CRACD: variants seen among roughly 807,000 people sequenced by gnomAD.
CRACD encodes capping protein-inhibiting regulator of actin dynamics.
In CRACD, 56 loss-of-function variants were observed where a neutral mutation model predicts 106.8. The observed-to-expected ratio is 0.52, with a 90% confidence interval of 0.42 to 0.66. The LOEUF is 0.66. CRACD is among the 30% of genes least tolerant of loss of function. CRACD has a pLI of 0.00. For synonymous variants in CRACD, 754 were observed against 670.8 expected, an observed-to-expected ratio of 1.12 and a Z score of -1.92; for missense variants, 1,730 against 1,623.2, an observed-to-expected ratio of 1.07 and a Z score of -1.13.
In CRACD at chr4:56,231,145, G is replaced by T. The variant is rs78587178; in HGVS notation, c.-188-41176G>T. 4.4e-3 allele frequency among the ~76,000 whole-genome samples: 677 copies of T among 152,216 alleles called. 4 individuals are homozygous for T. The highest frequency in any genetic ancestry group is 7.5e-3 in the Non-Finnish European group (513 of 67,998). On this transcript the variant is annotated intron_variant, in intron 2 of 10. Transcript: ENST00000682029. Reference sequence around the variant, plus strand: ...TTCTTCTGATTTATTTTCCTTCTAGGCTATGTTCTTGTACATCATGATATT... The same window carrying T: ...TTCTTCTGATTTATTTTCCTTCTAGTCTATGTTCTTGTACATCATGATATT...
intron 3 of CRACD, among the ~76,000 whole-genome samples, chr4:56,290,966 C>A (rs978229953): frequency 6.6e-6 from 1 of 152,152 alleles, no homozygotes; most frequent in Non-Finnish European, 1.5e-5. Context: ...TTTTACCATG[C>A]GTGCTTTGCA....
At chr4:56,138,060 A>T (rs1336398998) in intron 1 of CRACD, among the ~76,000 whole-genome samples, 1 of 138,892 alleles carries the variant, frequency 7.2e-6, no homozygotes, top group Non-Finnish European at 1.5e-5. Context: ...TGTAAAAGTG[A>T]CATTGACCAA....
intron 2 of CRACD, among the ~76,000 whole-genome samples, chr4:56,188,827 C>T (rs1022847300): frequency 6.6e-6 from 1 of 151,156 alleles, no homozygotes; most frequent in Non-Finnish European, 1.5e-5. Flanking sequence ...TGCTATTTTC[C>T]TTCATTTCTT....
intron 8 of CRACD, among the ~76,000 whole-genome samples, chr4:56,318,071 T>A (rs1424229166): frequency 6.6e-6 from 1 of 152,158 alleles, no homozygotes; most frequent in African/African-American, 2.4e-5. Flanking sequence ...TGGGGCAGTT[T>A]TTGCAGAGGA....
At chr4:56,095,410 G>T (rs1313307035) in intron 1 of CRACD, among the ~76,000 whole-genome samples, 1 of 152,158 alleles carries the variant, frequency 6.6e-6, no homozygotes, top group African/African-American at 2.4e-5. Context: ...GAGACAAAGT[G>T]GGGGAAAGGG....
intron 1 of CRACD, among the ~76,000 whole-genome samples, chr4:56,176,207 T>C (rs1560472568): frequency 6.6e-6 from 1 of 152,180 alleles, no homozygotes; most frequent in Admixed American, 6.5e-5. Context: ...TGAAATAAGG[T>C]AGTGTGATGA....
chr4:56,164,512 G>A (rs1483872573), intron 1 of CRACD, among the ~76,000 whole-genome samples: 1 of 152,160 alleles, frequency 6.6e-6, no homozygotes, highest in Non-Finnish European at 1.5e-5. Flanking sequence ...CAACAACATG[G>A]AAGAATCTCC....
Position 56,316,589 on chromosome 4 carries a change from GGAC to G in CRACD, c.3090_3092del (p.Asp1030del). ...CCGAGGAAAGGAAGGGACAGAAGAG[GGAC>G]GAGGAGGAAGAGGCGACAGAGAGGA... On this transcript the variant is annotated inframe_deletion, in exon 8 of 11. Transcript: ENST00000682029. 1 of 1,613,474 alleles carries G rather than the reference GGAC, an allele frequency of 6.2e-7. No homozygotes were observed. Among genetic ancestry groups the G allele is most frequent in the Non-Finnish European group, 8.5e-7 (1 of 1,179,770 alleles).
At chr4:56,254,643 A>G (rs1301665473) in intron 2 of CRACD, among the ~76,000 whole-genome samples, 3 of 152,142 alleles carry the variant, frequency 2.0e-5, no homozygotes, top group Non-Finnish European at 4.4e-5. Context: ...GGCACCATCT[A>G]GAACCCCTGC....
At chr4:56,215,220 T>C (rs1738617220) in intron 2 of CRACD, among the ~76,000 whole-genome samples, 1 of 152,122 alleles carries the variant, frequency 6.6e-6, no homozygotes, top group Non-Finnish European at 1.5e-5. Flanking sequence ...GGGGTCTCAC[T>C]ATGTTGCCCA....
Position 56,100,057 on chromosome 4 carries a change from A to G in CRACD, c.-336+50758A>G, listed in dbSNP as rs1304545370. Reference sequence around the variant, plus strand: ...GGAGTTTGAGACCAGCCTGGCTACCATGGTGAAACCCTGTCTCTACTGAAA... The same window carrying G: ...GGAGTTTGAGACCAGCCTGGCTACCGTGGTGAAACCCTGTCTCTACTGAAA... On this transcript the variant is annotated intron_variant, in intron 1 of 10. Coordinates refer to ENST00000682029, the MANE Select transcript of CRACD (RefSeq NM_001393381.1). Among the ~76,000 whole-genome samples the G allele has an allele frequency of 4.6e-5, 7 of 152,286 alleles. No homozygotes were observed. The East Asian group carries it at 1.2e-3, about 25-fold the overall frequency.
intron 3 of CRACD, among the ~76,000 whole-genome samples, chr4:56,275,154 A>G (rs1742606325): frequency 6.6e-6 from 1 of 152,216 alleles, no homozygotes. Flanking sequence ...GTGGGGGGAA[A>G]GGAGCAGAAA....
At chr4:56,286,424 G>A (rs559414620) in intron 3 of CRACD, among the ~76,000 whole-genome samples, 100 of 149,170 alleles carry the variant, frequency 6.7e-4, no homozygotes, top group African/African-American at 2.2e-3. Flanking sequence ...AACTCGGGAG[G>A]CCGAGGCAGG....
At chr4:56,209,352 C>T (rs551653973) in intron 2 of CRACD, among the ~76,000 whole-genome samples, 2 of 152,228 alleles carry the variant, frequency 1.3e-5, no homozygotes, top group Admixed American at 1.3e-4. Flanking sequence ...CTAGTAACTT[C>T]GCCTAGACAA....
At position 56,314,921 on chromosome 4, in the gene CRACD, G is replaced by T. The variant is rs1745473912; in HGVS notation, c.1419G>T (p.Gly473=). The T allele has an allele frequency of 1.2e-6, 2 of 1,604,888 alleles. No individual in the cohort carries two copies. Among genetic ancestry groups the T allele is most frequent in the Non-Finnish European group, 1.7e-6 (2 of 1,176,898 alleles). ...EQQGRSGDFQ[G]ADRPGPEEKR... Reference sequence around the variant, plus strand: ...AGGGAAGGAGCGGGGATTTCCAGGGGGCCGATCGTCCTGGGCCCGAGGAAA... The same window carrying T: ...AGGGAAGGAGCGGGGATTTCCAGGGTGCCGATCGTCCTGGGCCCGAGGAAA... Residue 473 remains glycine, a synonymous_variant, in exon 8 of 11, where the codon GGG becomes GGT. Coordinates refer to ENST00000682029, the MANE Select transcript of CRACD (RefSeq NM_001393381.1). This position sits in a 1 kb window ranked among gnomAD's most constrained non-coding sequence, Gnocchi z 4.4.
In CRACD at chr4:56,053,949, G is replaced by A. The variant is rs186321309; in HGVS notation, c.-336+4650G>A. 3.4e-3 allele frequency among the ~76,000 whole-genome samples: 513 copies of A among 152,142 alleles called. 3 individuals carry two copies. The highest frequency in any genetic ancestry group is 0.012 in the African/African-American group (493 of 41,516). ...AACATCAGATTTCATCCTTAGGCTG[G>A]CCCTCAAAATATACTTTGCAGCTAA... On this transcript the variant is annotated intron_variant, in intron 1 of 10. Coordinates refer to ENST00000682029, the MANE Select transcript of CRACD (RefSeq NM_001393381.1).
intron 1 of CRACD, among the ~76,000 whole-genome samples, chr4:56,121,622 C>T (rs927870690): frequency 4.6e-5 from 7 of 151,140 alleles, no homozygotes; most frequent in Non-Finnish European, 2.9e-5. Flanking sequence ...CCAGCCTGGG[C>T]GACAGAGCAA....
At chr4:56,277,108 A>AAAT (rs1742718690) in intron 3 of CRACD, among the ~76,000 whole-genome samples, 1 of 152,198 alleles carries the variant, frequency 6.6e-6, no homozygotes, top group African/African-American at 2.4e-5. Flanking sequence ...GGAAGATGAC[A>AAAT]AATAGAATAG....
intron 1 of CRACD, among the ~76,000 whole-genome samples, chr4:56,144,570 T>C (rs1166296313): frequency 6.6e-6 from 1 of 152,174 alleles, no homozygotes; most frequent in Non-Finnish European, 1.5e-5. Context: ...TCCTGGTTAT[T>C]TTTTATTTTT....
Sources: gnomAD v4.1 joint callset for allele counts (sites outside exome capture counted in the v4.1 genomes callset) on GRCh38, gnomAD v4.1.1 for gene constraint, Gnocchi (gnomAD v3.1) non-coding constraint, MANE v1.5 for transcripts, NCBI Gene and HGNC (gene_info 2026-07-23, HGNC 2026-07-21) for gene names.